Variants in BCLAF1 observed in about 807,000 individuals in gnomAD.
BCLAF1 encodes the protein bcl-2-associated transcription factor 1.
In BCLAF1, 10 loss-of-function variants were observed where a neutral mutation model predicts 99.5. The observed-to-expected ratio is 0.10, with a 90% CI of 0.06 to 0.17. The LOEUF is 0.17. Ranked by LOEUF, BCLAF1 falls within the 10% of genes least tolerant of loss-of-function variation. The pLI is 1.00. For synonymous variants in BCLAF1, 255 were observed against 370.9 expected (o/e 0.69, Z 3.59); for missense variants, 636 against 1,105.8 (o/e 0.58, Z 6.02).
At position 136,276,210 on chromosome 6, in the gene BCLAF1, T is replaced by C; in HGVS notation, c.1315A>G (p.Lys439Glu). The part of the protein sequence containing the change: ...RNTEEEGLKY[K>E]SKVSLKGNRE... The stretch of plus-strand genomic sequence containing the variant: ...TTGCCTTTCAGTGAAACTTTGGACT[T>C]GTACTTGAGTCCTTCCTCCTCAGTA... The change falls in exon 5 of 13, where the codon AAG (lysine) becomes GAG (glutamate). Residue 439 changes from lysine (K) to glutamate (E), a missense_variant. Physicochemically the swap from Lys to Glu is moderately conservative, Grantham distance 56. This residue lies in a region of BCLAF1 where 186 missense variants were observed against 275.3 expected (regional missense o/e 0.68). Transcript: ENST00000531224. 6.2e-7 allele frequency: 1 copy of C among 1,607,858 alleles called. No individual in the cohort carries two copies. Among genetic ancestry groups the C allele is most frequent in the African/African-American group, 1.3e-5 (1 of 74,420 alleles).
At position 136,264,006 on chromosome 6, in the gene BCLAF1, A is replaced by G. The variant is rs557843897; in HGVS notation, c.2545-2529T>C. 3.0e-4 allele frequency among the ~76,000 whole-genome samples: 46 copies of G among 152,284 alleles called. 1 individual carries two copies. The highest frequency in any genetic ancestry group is 1.5e-3 in the Admixed American group (23 of 15,288). ...TTCAGAACCCTGACTCTGGAGCCCA[A>G]TGCATAAATCCTGACCCCATTGCAC... On this transcript the variant is annotated intron_variant, in intron 11 of 12. Transcript: ENST00000531224.
rs918483709 is a variant in BCLAF1, at chr6:136,260,612, G to C, written c.*498C>G. The C allele has an allele frequency of 2.6e-5, 4 of 155,694 alleles. No individual in the cohort carries two copies. The highest frequency in any genetic ancestry group is 9.7e-5 in the African/African-American group (4 of 41,212). 9.6% of individuals were successfully genotyped at this position (155,694 alleles called of 1,614,324 possible). Reference sequence around the variant, plus strand: ...TAGTTTACCATAGTAACAACTTTTTGTCTGTGGTATACTTCAAAAATCAGT... The same window carrying C: ...TAGTTTACCATAGTAACAACTTTTTCTCTGTGGTATACTTCAAAAATCAGT... On this transcript the variant is annotated 3_prime_UTR_variant, in exon 13 of 13. Coordinates refer to ENST00000531224, the MANE Select transcript of BCLAF1 (RefSeq NM_014739.3).
chr6:136,287,313 AAAAT>A (rs995160669), intron 1 of BCLAF1, among the ~76,000 whole-genome samples: 7 of 152,208 alleles, frequency 4.6e-5, no homozygotes, highest in African/African-American at 1.2e-4. Flanking sequence ...CTGTCTCAAA[AAAAT>A]AAATAAATAA....
At chr6:136,263,341 G>A (rs1206465651) in intron 11 of BCLAF1, among the ~76,000 whole-genome samples, 1 of 151,928 alleles carries the variant, frequency 6.6e-6, no homozygotes, top group Non-Finnish European at 1.5e-5. Flanking sequence ...TAGACACTAG[G>A]GTTAAACTAG....
Position 136,276,102 on chromosome 6 carries a change from T to C in BCLAF1, c.1423A>G (p.Lys475Glu). ...GYVVERPSTT[K>E]DKHKEEDKNS... ...TTGTCTTCTTCTTTGTGCTTATCTT[T>C]TGTAGTGCTAGGCCTTTCCACTACA... is the stretch of plus-strand genomic sequence containing the variant. The change falls in exon 5 of 13, where the codon AAA (lysine) becomes GAA (glutamate). Residue 475 changes from lysine (K) to glutamate (E), a missense_variant. Lys to Glu is a moderately conservative substitution (Grantham distance 56). This residue lies in a region of BCLAF1 where 186 missense variants were observed against 275.3 expected (regional missense o/e 0.68). Coordinates refer to ENST00000531224, the MANE Select transcript of BCLAF1 (RefSeq NM_014739.3). 6.2e-7 allele frequency: 1 copy of C among 1,610,296 alleles called. No individual in the cohort carries two copies. Among genetic ancestry groups the C allele is most frequent in the Non-Finnish European group, 8.5e-7 (1 of 1,179,148 alleles).
At chr6:136,279,629 A>G (rs2128485736) in intron 3 of BCLAF1, 134 bp downstream of exon 3, 6 of 950,550 alleles carry the variant, frequency 6.3e-6, no homozygotes, top group South Asian at 4.6e-5. Flanking sequence ...TACAATAAGG[A>G]TAACAATAGA....
Position 136,259,903 on chromosome 6 carries a change from T to C in BCLAF1, c.*1207A>G, listed in dbSNP as rs1289191458. ...TAGATTTTCACTCCTTTAAGAGCTA[T>C]CAATATAGACACAAAAGATAATTCA... On this transcript the variant is annotated 3_prime_UTR_variant, in exon 13 of 13. Transcript: ENST00000531224. The C allele has an allele frequency of 1.6e-4, 25 of 152,040 alleles. No homozygotes were observed. The highest frequency in any genetic ancestry group is 1.2e-3 in the Admixed American group (19 of 15,268). 9.4% of individuals were successfully genotyped at this position (152,040 alleles called of 1,614,324 possible). A position where few individuals can be genotyped will look rare whatever the true frequency, so the allele number is the denominator to read the frequency against.
intron 1 of BCLAF1, among the ~76,000 whole-genome samples, chr6:136,286,782 A>G (rs955243708): frequency 3.9e-5 from 6 of 152,328 alleles, no homozygotes; most frequent in Admixed American, 2.0e-4. Flanking sequence ...AGCCTGGCCA[A>G]CATGCCAAAA....
chr6:136,279,963 G>C, intron 2 of BCLAF1, 87 bp from the exon 3 acceptor site: 2 of 1,273,648 alleles, frequency 1.6e-6, no homozygotes, highest in Non-Finnish European at 2.0e-6. Context: ...GATAAAATTT[G>C]ATTTTTACAA....
At position 136,279,890 on chromosome 6, in the gene BCLAF1, A is replaced by G; in HGVS notation, c.-10-14T>C. 1.4e-6 allele frequency: 2 copies of G among 1,454,768 alleles called. No individual in the cohort carries two copies. The highest frequency in any genetic ancestry group is 1.6e-5 in the South Asian group (1 of 62,962). 90.1% of individuals were successfully genotyped at this position (1,454,768 alleles called of 1,614,324 possible). A position where few individuals can be genotyped will look rare whatever the true frequency, so the allele number is the denominator to read the frequency against. On this transcript the variant is annotated splice_polypyrimidine_tract_variant and intron_variant, in intron 2 of 12. Coordinates refer to ENST00000531224, the MANE Select transcript of BCLAF1 (RefSeq NM_014739.3). Reference sequence around the variant, plus strand: ...ATTTCTTTTCTCCTAATCAAATGATAGGGCAAAAAAAGGTTAAAATTACAA... The same window carrying G: ...ATTTCTTTTCTCCTAATCAAATGATGGGGCAAAAAAAGGTTAAAATTACAA...
At position 136,258,916 on chromosome 6, in the gene BCLAF1, TG is replaced by T. The variant is rs1353295891; in HGVS notation, c.*2193del. 6.6e-6 allele frequency: 1 copy of T among 152,506 alleles called. No individual in the cohort carries two copies. The highest frequency in any genetic ancestry group is 1.5e-5 in the Non-Finnish European group (1 of 67,912). 9.4% of individuals were successfully genotyped at this position (152,506 alleles called of 1,614,324 possible). On this transcript the variant is annotated 3_prime_UTR_variant, in exon 13 of 13. Transcript: ENST00000531224. ...GAAATATCCTTTGGTTCATTTTTATTGCCCCTCTCTAGGCAAAACAAAGTAT... is the reference window on the plus strand; with the variant it reads ...GAAATATCCTTTGGTTCATTTTTATTCCCCTCTCTAGGCAAAACAAAGTAT...
Position 136,282,682 on chromosome 6 carries a change from G to A in BCLAF1, c.-109C>T, listed in dbSNP as rs369834492. ...CTCTGAGAAATTAAACTCTAAATTC[G>A]AATTCCTAGCAAAGACAAAAAAACC... On this transcript the variant is annotated 5_prime_UTR_variant, in exon 2 of 13. Coordinates refer to ENST00000531224, the MANE Select transcript of BCLAF1 (RefSeq NM_014739.3). The A allele has an allele frequency of 6.6e-6, 1 of 152,022 alleles. No homozygotes were observed. Among genetic ancestry groups the A allele is most frequent in the Non-Finnish European group, 1.5e-5 (1 of 68,006 alleles). The allele number at this position is 152,022 out of a possible 1,614,324, so 9.4% of individuals were successfully genotyped here.
chr6:136,289,316 G>A (rs919712841), intron 1 of BCLAF1, among the ~76,000 whole-genome samples: 1 of 152,256 alleles, frequency 6.6e-6, no homozygotes, highest in Non-Finnish European at 1.5e-5. Flanking sequence ...GGCCGTCGGC[G>A]CCATAGGCGG....
At chr6:136,272,869 G>A (rs983724673) in intron 7 of BCLAF1, among the ~76,000 whole-genome samples, 3 of 151,830 alleles carry the variant, frequency 2.0e-5, no homozygotes, top group Non-Finnish European at 4.4e-5. Flanking sequence ...AAAGTAATAA[G>A]AGTTAATATT....
rs752945625 is a variant in BCLAF1 at position 136,276,469 on chromosome 6, C to T, written c.1056G>A (p.Arg352=). ...DEESRVFLLD[R]GNTRDKEASK... ...AAGCCTCTTTATCCCTGGTATTACCCCTATCAAGCAGGAATACTCTAGACT... is the reference window on the plus strand; with the variant it reads ...AAGCCTCTTTATCCCTGGTATTACCTCTATCAAGCAGGAATACTCTAGACT... Residue 352 remains arginine (R), a synonymous_variant, in exon 5 of 13, where the codon AGG becomes AGA. Transcript: ENST00000531224. The T allele has an allele frequency of 6.5e-7, 1 of 1,549,164 alleles. No individual in the cohort carries two copies. The highest frequency in any genetic ancestry group is 8.6e-7 in the Non-Finnish European group (1 of 1,157,862).
At chr6:136,261,230 A>G in intron 12 of BCLAF1, 35 bp downstream of exon 12, 1 of 1,601,646 alleles carries the variant, frequency 6.2e-7, no homozygotes, top group South Asian at 1.1e-5. Context: ...TATATCAAAA[A>G]AAATCTGTCA....
intron 1 of BCLAF1, among the ~76,000 whole-genome samples, chr6:136,288,912 C>T (rs2128496287): frequency 6.6e-6 from 1 of 152,306 alleles, no homozygotes; most frequent in South Asian, 2.1e-4. Flanking sequence ...AAGAACCGCA[C>T]TTTCAGCCGG....
At chr6:136,276,605 AAG>A (rs1412605801) in intron 4 of BCLAF1, 97 bp from the exon 5 acceptor site, 26 of 1,385,424 alleles carry the variant, frequency 1.9e-5, no homozygotes, top group Non-Finnish European at 2.5e-5. Flanking sequence ...CAGGACCAGC[AAG>A]AGAGAAAATA....
chr6:136,261,093 A>C lies in BCLAF1; in HGVS notation c.*17T>G. 6.4e-7 allele frequency: 1 copy of C among 1,573,824 alleles called. No individual in the cohort carries two copies. Among genetic ancestry groups the C allele is most frequent in the South Asian group, 1.2e-5 (1 of 84,440 alleles). ...TGGGTGCAAGTTCTGCTCTGTTGTAATCTTACTTCATATTTATTATTCCTA... is the reference window on the plus strand; with the variant it reads ...TGGGTGCAAGTTCTGCTCTGTTGTACTCTTACTTCATATTTATTATTCCTA... On this transcript the variant is annotated 3_prime_UTR_variant, in exon 13 of 13. Coordinates refer to ENST00000531224, the MANE Select transcript of BCLAF1 (RefSeq NM_014739.3).
Sources: allele counts gnomAD v4.1 joint callset (sites outside exome capture counted in the v4.1 genomes callset), GRCh38; gene constraint gnomAD v4.1.1; regional missense constraint gnomAD v4.1.1; transcripts MANE v1.5; gene names NCBI Gene and HGNC (gene_info 2026-07-23, HGNC 2026-07-21).